The following LCORL variants were observed in gnomAD, a reference collection of about 807,000 sequenced individuals.
LCORL encodes the protein ligand-dependent nuclear receptor corepressor-like protein.
Under a neutral mutation model 141.8 loss-of-function variants are expected in LCORL, and 41 were observed. The observed-to-expected ratio is 0.29, with a 90% CI of 0.23 to 0.38. The LOEUF (loss-of-function observed/expected upper bound fraction) is 0.38. LCORL is among the 10% of genes least tolerant of loss of function. The pLI, the probability that LCORL is intolerant of heterozygous loss-of-function variation, is 1.00. For synonymous variants in LCORL, 618 were observed against 694.1 expected (o/e 0.89, Z 1.72); for missense variants, 1,759 against 2,035.0 (o/e 0.86, Z 2.61).
At chr4:17,909,449 G>T in intron 4 of LCORL, 104 bp from the exon 5 acceptor site, 1 of 780,478 alleles carries the variant, frequency 1.3e-6, no homozygotes, top group Non-Finnish European at 1.9e-6. Context: ...AAGTCTTTTA[G>T]CATCAGTCCA....
intron 7 of LCORL, among the ~76,000 whole-genome samples, chr4:17,865,918 C>A (rs902258975): frequency 6.6e-6 from 1 of 152,160 alleles, no homozygotes; most frequent in African/African-American, 2.4e-5. Context: ...CCAGGGAGAT[C>A]TTCTAGAAAG....
chr4:17,879,568 T>G (rs571218861), intron 6 of LCORL, among the ~76,000 whole-genome samples: 1 of 151,236 alleles, frequency 6.6e-6, no homozygotes, highest in South Asian at 2.1e-4. Context: ...TAATTTTTTA[T>G]AAACTTTGTC....
chr4:17,912,490 G>C, intron 4 of LCORL: 2 of 514,340 alleles, frequency 3.9e-6, no homozygotes, highest in South Asian at 3.1e-5. Context: ...GAACCGACAG[G>C]AACTAGACAG....
At chr4:17,849,321 G>A (rs1160327668) in intron 7 of LCORL, among the ~76,000 whole-genome samples, 8 of 152,172 alleles carry the variant, frequency 5.3e-5, no homozygotes, top group Admixed American at 5.2e-4. Context: ...ACTCCTCTGA[G>A]ACAAAACTTC....
chr4:17,961,679 G>T (rs1049224927), intron 4 of LCORL, among the ~76,000 whole-genome samples: 1 of 151,960 alleles, frequency 6.6e-6, no homozygotes, highest in Admixed American at 6.6e-5. Context: ...TAAAGTCAGA[G>T]AGATACTTGA....
At chr4:17,886,564 T>C (rs547147945) in intron 5 of LCORL, among the ~76,000 whole-genome samples, 15 of 151,912 alleles carry the variant, frequency 9.9e-5, no homozygotes, top group African/African-American at 3.6e-4. Flanking sequence ...GAATAGAAAA[T>C]GTGATGATGA....
intron 1 of LCORL, among the ~76,000 whole-genome samples, chr4:17,981,615 G>A (rs1317822538): frequency 3.3e-5 from 5 of 152,014 alleles, no homozygotes; most frequent in African/African-American, 1.2e-4. Context: ...GCATGCACCT[G>A]TAGTCCCAGC....
chr4:18,020,945 A>G (rs1253224671), intron 1 of LCORL, among the ~76,000 whole-genome samples: 1 of 152,176 alleles, frequency 6.6e-6, no homozygotes. Context: ...CTCCTTCTTA[A>G]AGGGGTACAC....
intron 5 of LCORL, among the ~76,000 whole-genome samples, chr4:17,904,070 A>G (rs538416254): frequency 5.3e-5 from 8 of 152,134 alleles, no homozygotes; most frequent in African/African-American, 1.9e-4. Flanking sequence ...ATATAAAACA[A>G]TGAGTATATT....
intron 7 of LCORL, among the ~76,000 whole-genome samples, chr4:17,853,049 ATTTTTTT>A (rs67695626): frequency 1.1e-4 from 14 of 125,172 alleles, no homozygotes; most frequent in African/African-American, 2.9e-4. Context: ...TAAAAGCTTG[ATTTTTTT>A]TTTTTTTTTT....
At chr4:18,012,592 G>GA (rs1018962303) in intron 1 of LCORL, among the ~76,000 whole-genome samples, 4 of 151,752 alleles carry the variant, frequency 2.6e-5, no homozygotes, top group East Asian at 1.9e-4. Flanking sequence ...ATTAATTGTA[G>GA]AAAAAAACAT....
intron 4 of LCORL, among the ~76,000 whole-genome samples, chr4:17,954,248 G>A (rs1712107163): frequency 6.6e-6 from 1 of 152,160 alleles, no homozygotes; most frequent in African/African-American, 2.4e-5. Flanking sequence ...TGAGGGCAGT[G>A]CATCGTCAGG....
rs149866821 is a variant in LCORL, at chr4:17,925,354, T to C, written c.431-16009A>G. ...CCTGTGATTAAGGTCAATGGGAAAC[T>C]ACAGAAGCCCAATCCAGGCAGGATT... On this transcript the variant is annotated intron_variant, in intron 4 of 7. Transcript: ENST00000635767. 2.9e-4 allele frequency among the ~76,000 whole-genome samples: 44 copies of C among 152,260 alleles called. No individual in the cohort carries two copies. The East Asian group carries it at 8.1e-3, about 28-fold the overall frequency.
In LCORL at chr4:17,884,430, G is replaced by T; in HGVS notation, c.776+1638C>A. 6.5e-7 allele frequency: 1 copy of T among 1,550,124 alleles called. No individual in the cohort carries two copies. The highest frequency in any genetic ancestry group is 8.7e-7 in the Non-Finnish European group (1 of 1,146,194). On this transcript the variant is annotated intron_variant, in intron 6 of 7. Coordinates refer to ENST00000635767, the Ensembl canonical transcript of LCORL. This position sits in a 1 kb window ranked among gnomAD's most constrained non-coding sequence, Gnocchi z 4.4. The stretch of plus-strand genomic sequence containing the variant: ...AATTTTATTTCTGAGGTTTCAAGTA[G>T]ATTGAGTTTACTTTTTTCTGTGCGC...
chr4:17,975,726 T>C (rs1716823225), intron 1 of LCORL, among the ~76,000 whole-genome samples: 1 of 152,168 alleles, frequency 6.6e-6, no homozygotes, highest in Admixed American at 6.6e-5. Context: ...TTCTTTGTGG[T>C]TGTAAAACAT....
chr4:17,952,516 C>T (rs903808041), intron 4 of LCORL, among the ~76,000 whole-genome samples: 4 of 150,946 alleles, frequency 2.6e-5, no homozygotes, highest in African/African-American at 7.3e-5. Flanking sequence ...CCCAGGTTCA[C>T]GCCATTCTCC....
intron 1 of LCORL, among the ~76,000 whole-genome samples, chr4:18,000,719 C>G (rs982437143): frequency 6.6e-6 from 1 of 152,146 alleles, no homozygotes; most frequent in African/African-American, 2.4e-5. Flanking sequence ...AACAAATAGT[C>G]TACTGTGTTA....
At position 17,988,815 on chromosome 4, in the gene LCORL, T is replaced by C. The variant is rs566677301; in HGVS notation, c.155-15930A>G. Among the ~76,000 whole-genome samples the C allele has an allele frequency of 7.2e-5, 11 of 152,142 alleles. No homozygotes were observed. In the South Asian group the frequency reaches 2.3e-3, roughly 32 times the overall value. ...GCCTGGCCCACATGGCGAAACCCTA[T>C]CTCTACGAAAAACACAAAAATCAGC... On this transcript the variant is annotated intron_variant, in intron 1 of 7. Coordinates refer to ENST00000635767, the Ensembl canonical transcript of LCORL.
intron 7 of LCORL, among the ~76,000 whole-genome samples, chr4:17,864,969 T>C (rs890617838): frequency 3.3e-5 from 5 of 152,154 alleles, no homozygotes; most frequent in African/African-American, 9.7e-5. Flanking sequence ...TCTAAATGCA[T>C]ATGCAACTAT....
Sources: allele counts gnomAD v4.1 joint callset (sites outside exome capture counted in the v4.1 genomes callset), GRCh38; gene constraint gnomAD v4.1.1; non-coding constraint Gnocchi (gnomAD v3.1); transcripts MANE v1.5; gene names NCBI Gene and HGNC (gene_info 2026-07-23, HGNC 2026-07-21).